TBC1D22A: variants seen among roughly 807,000 people sequenced by gnomAD.
The protein encoded by TBC1D22A is TBC1 domain family member 22A, also known as putative GTPase activator.
In TBC1D22A, 38 loss-of-function variants were observed where a neutral mutation model predicts 60.2. The observed-to-expected ratio is 0.63, with a 90% CI of 0.49 to 0.83. The LOEUF is 0.83. Among genes scored for constraint, TBC1D22A ranks in the 40% least tolerant of loss-of-function variants. The pLI, the probability that TBC1D22A is intolerant of heterozygous loss-of-function variation, is 0.00. For missense variants in TBC1D22A, 628 were observed against 701.0 expected, an observed-to-expected ratio of 0.90 and a Z score of 1.18; for synonymous variants, 302 against 281.7, an observed-to-expected ratio of 1.07 and a Z score of -0.72.
intron 10 of TBC1D22A, among the ~76,000 whole-genome samples, chr22:47,000,619 A>G (rs960549124): frequency 6.6e-6 from 1 of 152,008 alleles, no homozygotes; most frequent in East Asian, 1.9e-4. Context: ...CAGATGGGGA[A>G]CTCCCTGGGA....
chr22:46,923,477 G>C (rs4823896), intron 8 of TBC1D22A, among the ~76,000 whole-genome samples: 120,116 of 152,264 alleles, frequency 0.79, 47,673 homozygotes, highest in African/African-American at 0.87. Context: ...GGCCTCGAAG[G>C]TAGCCTGGGT....
At chr22:46,972,045 C>T (rs1459207589) in intron 8 of TBC1D22A, among the ~76,000 whole-genome samples, 2 of 152,184 alleles carry the variant, frequency 1.3e-5, no homozygotes, top group Non-Finnish European at 2.9e-5. Context: ...ACTTGTCATC[C>T]TAGCCCCGCA....
chr22:47,000,749 C>T (rs945868988), intron 10 of TBC1D22A, among the ~76,000 whole-genome samples: 1 of 151,488 alleles, frequency 6.6e-6, no homozygotes, highest in Non-Finnish European at 1.5e-5. Context: ...CGTGCGTTTT[C>T]AGTCGTGGCA....
intron 11 of TBC1D22A, among the ~76,000 whole-genome samples, chr22:47,107,889 G>A (rs184378295): frequency 6.6e-6 from 1 of 152,276 alleles, no homozygotes. Flanking sequence ...ACTCAAAATG[G>A]ATTATAGATC....
At chr22:47,033,578 T>G (rs2062558255) in intron 10 of TBC1D22A, among the ~76,000 whole-genome samples, 1 of 152,196 alleles carries the variant, frequency 6.6e-6, no homozygotes, top group Non-Finnish European at 1.5e-5. Flanking sequence ...GCAGGCACCC[T>G]GAGCACTTAT....
chr22:47,022,299 A>G (rs894968351), intron 10 of TBC1D22A, among the ~76,000 whole-genome samples: 14 of 152,216 alleles, frequency 9.2e-5, no homozygotes, highest in African/African-American at 2.9e-4. Flanking sequence ...TTTTTAAGAT[A>G]CAGGACATAA....
intron 11 of TBC1D22A, among the ~76,000 whole-genome samples, chr22:47,060,179 T>C (rs1321441398): frequency 1.3e-5 from 2 of 152,050 alleles, no homozygotes; most frequent in Non-Finnish European, 2.9e-5. Context: ...CTCTGCGTAC[T>C]TCCAGCAGGC....
intron 11 of TBC1D22A, among the ~76,000 whole-genome samples, chr22:47,107,126 T>C (rs1038968777): frequency 3.3e-5 from 5 of 152,252 alleles, no homozygotes; most frequent in Admixed American, 1.3e-4. Flanking sequence ...TAAATATACA[T>C]GTTAAAATTT....
chr22:46,913,559 T>C, intron 8 of TBC1D22A: 1 of 1,203,558 alleles, frequency 8.3e-7, no homozygotes, highest in Non-Finnish European at 1.1e-6. Flanking sequence ...TCCCTAATCA[T>C]CTCTTAAGTA....
In TBC1D22A at chr22:47,049,138, C is replaced by G. The variant is rs149826281; in HGVS notation, c.1329+11940C>G. Among the ~76,000 whole-genome samples the G allele has an allele frequency of 1.1e-3, 167 of 152,348 alleles. 3 individuals carry two copies. In the East Asian group the frequency reaches 0.027, roughly 25 times the overall value. ...GGTCCCCAGTGTGGCACTCACAGCT[C>G]TGCCGGGTACACGTTGTGCTCTTCC... On this transcript the variant is annotated intron_variant, in intron 11 of 12. Transcript: ENST00000337137.
At chr22:46,915,811 C>T (rs953907603) in intron 8 of TBC1D22A, 11 of 456,614 alleles carry the variant, frequency 2.4e-5, no homozygotes, top group East Asian at 6.9e-5. Flanking sequence ...ACTGGTTTCA[C>T]GGGAGGTGGG....
At position 46,912,124 on chromosome 22, in the gene TBC1D22A, A is replaced by G; in HGVS notation, c.951A>G (p.Gly317=). 1 of 1,614,068 alleles carries G rather than the reference A, an allele frequency of 6.2e-7. No individual in the cohort carries two copies. The highest frequency in any genetic ancestry group is 8.5e-7 in the Non-Finnish European group (1 of 1,179,980). The part of the protein sequence containing the change: ...FIWAIRHPAS[G]YVQGINDLVT... ...GGGCGATCCGCCACCCAGCCAGTGG[A>G]TACGTTCAGGGTATAAATGATCTCG... is the stretch of plus-strand genomic sequence containing the variant. Residue 317 remains glycine (G), a synonymous_variant, in exon 8 of 13, where the codon GGA becomes GGG. Transcript: ENST00000337137.
intron 5 of TBC1D22A, among the ~76,000 whole-genome samples, chr22:46,890,665 A>G (rs2068347890): frequency 6.6e-6 from 1 of 152,222 alleles, no homozygotes. Flanking sequence ...CCCAGGAATC[A>G]GGCTCTTCGT....
chr22:47,067,881 GTC>G (rs2063830461), intron 11 of TBC1D22A, among the ~76,000 whole-genome samples: 1 of 152,228 alleles, frequency 6.6e-6, no homozygotes, highest in Non-Finnish European at 1.5e-5. Context: ...ACACTTGTCT[GTC>G]TGTCGACCAC....
At chr22:46,916,406 C>T (rs372276057) in intron 8 of TBC1D22A, among the ~76,000 whole-genome samples, 1 of 152,254 alleles carries the variant, frequency 6.6e-6, no homozygotes, top group Admixed American at 6.5e-5. Flanking sequence ...ACATGGTATG[C>T]ATCCCAGCAG....
At chr22:46,871,755 A>G (rs2147435651) in intron 4 of TBC1D22A, among the ~76,000 whole-genome samples, 1 of 152,358 alleles carries the variant, frequency 6.6e-6, no homozygotes, top group Admixed American at 6.5e-5. Flanking sequence ...TCCAATCCAT[A>G]TTCAACGCTC....
chr22:47,082,957 T>TA (rs1445318196), intron 11 of TBC1D22A, among the ~76,000 whole-genome samples: 2 of 152,184 alleles, frequency 1.3e-5, no homozygotes, highest in East Asian at 3.8e-4. Flanking sequence ...ACAATGCAAA[T>TA]ATATGTCAGC....
At chr22:47,019,017 T>C (rs2061992961) in intron 10 of TBC1D22A, among the ~76,000 whole-genome samples, 1 of 152,160 alleles carries the variant, frequency 6.6e-6, no homozygotes, top group South Asian at 2.1e-4. Context: ...CAGCAAGTCT[T>C]ATCCAGCCCC....
Position 47,052,196 on chromosome 22 carries a change from C to T in TBC1D22A, c.1329+14998C>T, listed in dbSNP as rs142474894. Among the ~76,000 whole-genome samples the T allele has an allele frequency of 3.6e-3, 541 of 152,308 alleles. 3 individuals are homozygous for T. Among genetic ancestry groups the T allele is most frequent in the African/African-American group, 0.012 (515 of 41,572 alleles). ...TTAGAGTGGGATGTTTTTCTGAACA[C>T]GTATTTAGAGCAATTTGCTTTCATT... On this transcript the variant is annotated intron_variant, in intron 11 of 12. Transcript: ENST00000337137.
Sources: gnomAD v4.1 joint callset for allele counts (sites outside exome capture counted in the v4.1 genomes callset) on GRCh38, gnomAD v4.1.1 for gene constraint, MANE v1.5 for transcripts, NCBI Gene and HGNC (gene_info 2026-07-23, HGNC 2026-07-21) for gene names.